Variants in CCDC171 observed in about 807,000 individuals in gnomAD.
The protein encoded by CCDC171 is coiled-coil domain containing 171.
A neutral mutation model predicts 168.2 loss-of-function variants in CCDC171; 177 were observed. The observed-to-expected ratio is 1.05, with a 90% confidence interval of 0.93 to 1.19. The LOEUF is 1.19. Among genes scored for constraint, CCDC171 ranks in the 50% most tolerant of loss-of-function variants. The pLI is 0.00. For synonymous variants in CCDC171, 687 were observed against 540.8 expected (o/e 1.27, Z -3.75); for missense variants, 1,991 against 1,539.0 (o/e 1.29, Z -4.91).
At chr9:15,588,856 C>T (rs1015823128) in intron 4 of CCDC171, among the ~76,000 whole-genome samples, 2 of 151,720 alleles carry the variant, frequency 1.3e-5, no homozygotes, top group Non-Finnish European at 2.9e-5. Flanking sequence ...TACAGGTGCC[C>T]GCCACCACGC....
Position 15,999,647 on chromosome 9 carries a change from A to G in CCDC171, n.369-20942A>G, listed in dbSNP as rs138377370. 2.6e-3 allele frequency among the ~76,000 whole-genome samples: 389 copies of G among 152,336 alleles called. 2 individuals are homozygous for G. The highest frequency in any genetic ancestry group is 4.1e-3 in the Non-Finnish European group (280 of 68,028). On this transcript the variant is annotated intron_variant and non_coding_transcript_variant, in intron 3 of 9. Transcript: ENST00000486641. ...AGCTGTTGCCTCCAAGGACAAGGCT[A>G]TAGAGACTCCCTCTGTGAGGCTCCT...
intron 1 of CCDC171, among the ~76,000 whole-genome samples, chr9:16,050,532 G>A (rs1209737479): frequency 6.6e-6 from 1 of 152,184 alleles, no homozygotes; most frequent in Non-Finnish European, 1.5e-5. Context: ...CACAGTGCCA[G>A]TTTGCCATAC....
intron 16 of CCDC171, among the ~76,000 whole-genome samples, chr9:15,742,189 G>C (rs1362011696): frequency 6.6e-6 from 1 of 151,960 alleles, no homozygotes; most frequent in African/African-American, 2.4e-5. Flanking sequence ...CAACTCTACT[G>C]CTAACCCTGG....
intron 7 of CCDC171, among the ~76,000 whole-genome samples, chr9:15,628,029 G>C (rs528669914): frequency 7.2e-5 from 11 of 152,032 alleles, no homozygotes; most frequent in Non-Finnish European, 1.6e-4. Context: ...AATGTTAAAA[G>C]GTTTCACTGG....
intron 24 of CCDC171, among the ~76,000 whole-genome samples, chr9:15,887,335 A>G (rs1467626022): frequency 6.6e-6 from 1 of 152,190 alleles, no homozygotes; most frequent in Non-Finnish European, 1.5e-5. Context: ...AATGGTTTAG[A>G]AAGTACTTTT....
chr9:16,050,060 T>G (rs1833725782), intron 1 of CCDC171, among the ~76,000 whole-genome samples: 1 of 152,098 alleles, frequency 6.6e-6, no homozygotes, highest in South Asian at 2.1e-4. Context: ...CTAATTTTTG[T>G]ATTTTTAGTA....
chr9:15,579,719 A>T (rs76896575), intron 4 of CCDC171, among the ~76,000 whole-genome samples: 5 of 152,188 alleles, frequency 3.3e-5, no homozygotes, highest in African/African-American at 1.2e-4. Flanking sequence ...CTTTATATGA[A>T]TGGAATCATA....
At chr9:15,628,312 G>A (rs2045347840) in intron 7 of CCDC171, among the ~76,000 whole-genome samples, 1 of 152,192 alleles carries the variant, frequency 6.6e-6, no homozygotes, top group South Asian at 2.1e-4. Context: ...GGAAAATCGG[G>A]TCACTCCCAC....
intron 21 of CCDC171, among the ~76,000 whole-genome samples, chr9:15,815,158 C>G (rs1278215131): frequency 6.6e-6 from 1 of 152,148 alleles, no homozygotes; most frequent in Non-Finnish European, 1.5e-5. Flanking sequence ...CTTCTGCTAT[C>G]TTGTCTTTCA....
intron 1 of CCDC171, among the ~76,000 whole-genome samples, chr9:16,048,381 G>A (rs1402868537): frequency 2.0e-5 from 3 of 152,226 alleles, no homozygotes; most frequent in Non-Finnish European, 1.5e-5. Flanking sequence ...AGGATGGCAG[G>A]TTGCCTTGGA....
chr9:16,017,676 A>C (rs974995668), intron 3 of CCDC171, among the ~76,000 whole-genome samples: 1 of 152,238 alleles, frequency 6.6e-6, no homozygotes, highest in African/African-American at 2.4e-5. Flanking sequence ...AATATCATTA[A>C]AGCATTTTGT....
chr9:15,698,894 G>T (rs1021163908), intron 11 of CCDC171, among the ~76,000 whole-genome samples: 5 of 152,212 alleles, frequency 3.3e-5, no homozygotes, highest in African/African-American at 1.2e-4. Context: ...AGACACTTAG[G>T]TTGATTCTAT....
At chr9:15,699,212 G>A (rs778447979) in intron 11 of CCDC171, among the ~76,000 whole-genome samples, 53 of 152,116 alleles carry the variant, frequency 3.5e-4, no homozygotes, top group Middle Eastern at 3.4e-3. Flanking sequence ...GCGGACCCTC[G>A]TGGTGAGTGT....
the CCDC171 span, among the ~76,000 whole-genome samples, chr9:16,106,862 G>T: frequency 6.6e-6 from 1 of 152,204 alleles, no homozygotes; most frequent in East Asian, 1.9e-4. Context: ...TGCAAGACTT[G>T]GGCCAGGTGT....
intron 7 of CCDC171, among the ~76,000 whole-genome samples, chr9:15,627,883 C>CT (rs1443195520): frequency 6.6e-5 from 10 of 151,936 alleles, no homozygotes; most frequent in African/African-American, 1.2e-4. Flanking sequence ...TGTTAACTTT[C>CT]GTCTAGTTGA....
intron 7 of CCDC171, among the ~76,000 whole-genome samples, chr9:15,654,270 G>C (rs2047752166): frequency 2.0e-5 from 3 of 151,606 alleles, no homozygotes. Context: ...TAGGGTTGTA[G>C]AATCTAAATA....
intron 25 of CCDC171, among the ~76,000 whole-genome samples, chr9:15,933,018 C>T (rs1826708728): frequency 6.6e-6 from 1 of 151,834 alleles, no homozygotes; most frequent in Non-Finnish European, 1.5e-5. Context: ...GAAAGTTTGC[C>T]TCTATGTTCA....
rs181801088 is a variant in CCDC171, at chr9:15,675,055, G to A, written c.1077-3703G>A. ...GAATCTGGGTGCTCCTGTATTGGGC[G>A]AATATATATTTAGGACAGTTAGTTT... On this transcript the variant is annotated intron_variant, in intron 9 of 25. Coordinates refer to ENST00000380701, the MANE Select transcript of CCDC171 (RefSeq NM_173550.4). 4.7e-3 allele frequency among the ~76,000 whole-genome samples: 711 copies of A among 152,216 alleles called. 7 individuals carry two copies. Among genetic ancestry groups the A allele is most frequent in the African/African-American group, 0.016 (670 of 41,532 alleles).
chr9:15,771,496 A>C (rs1019095660), intron 18 of CCDC171, among the ~76,000 whole-genome samples: 1 of 152,026 alleles, frequency 6.6e-6, no homozygotes, highest in Admixed American at 6.5e-5. Context: ...TGATCATACT[A>C]TGATCATATT....
Sources: gnomAD v4.1 joint callset for allele counts (sites outside exome capture counted in the v4.1 genomes callset) on GRCh38, gnomAD v4.1.1 for gene constraint, MANE v1.5 for transcripts, NCBI Gene and HGNC (gene_info 2026-07-23, HGNC 2026-07-21) for gene names.